Variants in CHST8 observed in about 807,000 individuals in gnomAD.
CHST8 encodes GALNAC-4-ST1.
In CHST8, 10 loss-of-function variants were observed where a neutral mutation model predicts 15.0. The observed-to-expected ratio is 0.67, with a 90% CI of 0.41 to 1.13. The LOEUF (loss-of-function observed/expected upper bound fraction) is 1.13. CHST8 is among the 50% of genes most tolerant of loss of function. CHST8 has a pLI of 0.00. For synonymous variants in CHST8, 259 were observed against 256.6 expected (o/e 1.01, Z -0.09); for missense variants, 634 against 608.2 (o/e 1.04, Z -0.45).
At chr19:33,638,598 G>A (rs1352395058) in intron 1 of CHST8, among the ~76,000 whole-genome samples, 1 of 152,156 alleles carries the variant, frequency 6.6e-6, no homozygotes, top group Non-Finnish European at 1.5e-5. Context: ...TCGCTGAGTT[G>A]TCATGAAAAG....
At chr19:33,725,641 C>A (rs1015834793) in intron 3 of CHST8, among the ~76,000 whole-genome samples, 3 of 152,236 alleles carry the variant, frequency 2.0e-5, no homozygotes, top group African/African-American at 7.2e-5. Flanking sequence ...CTCCCACCCA[C>A]TCTGGCCTCC....
rs754429024 is a variant in CHST8 at position 33,689,244 on chromosome 19, C to A, written c.-18C>A. ...CGTGCCCCCCACACCCAAGAGGTGA[C>A]CCCTGAGCCAGCCCCGGATGACCCT... On this transcript the variant is annotated 5_prime_UTR_variant, in exon 3 of 5. Coordinates refer to ENST00000650847, the MANE Select transcript of CHST8 (RefSeq NM_001127895.2). 3 of 1,559,110 alleles carry A rather than the reference C, an allele frequency of 1.9e-6. No homozygotes were observed. Among genetic ancestry groups the A allele is most frequent in the Admixed American group, 1.9e-5 (1 of 53,654 alleles).
intron 3 of CHST8, among the ~76,000 whole-genome samples, chr19:33,747,608 AC>A (rs1300741747): frequency 2.0e-5 from 3 of 152,158 alleles, no homozygotes; most frequent in African/African-American, 7.2e-5. Context: ...GGAATGATAA[AC>A]ACAGAATTCT....
intron 1 of CHST8, among the ~76,000 whole-genome samples, chr19:33,664,029 T>C (rs901509698): frequency 6.6e-6 from 1 of 152,182 alleles, no homozygotes; most frequent in Non-Finnish European, 1.5e-5. Context: ...AAAGCCACAC[T>C]GTATGTCCTC....
chr19:33,677,150 T>C (rs1972820299), intron 2 of CHST8, among the ~76,000 whole-genome samples: 1 of 135,054 alleles, frequency 7.4e-6, no homozygotes, highest in Admixed American at 7.8e-5. Flanking sequence ...CCTTGTGTGA[T>C]CAGCCGGCAG....
chr19:33,633,524 T>C (rs1972151594), intron 1 of CHST8, among the ~76,000 whole-genome samples: 1 of 152,134 alleles, frequency 6.6e-6, no homozygotes, highest in Non-Finnish European at 1.5e-5. Flanking sequence ...CCCAAGTAGC[T>C]GGGACCACAG....
chr19:33,690,811 C>T (rs1054222664), intron 3 of CHST8, among the ~76,000 whole-genome samples: 4 of 152,214 alleles, frequency 2.6e-5, no homozygotes, highest in Non-Finnish European at 4.4e-5. Flanking sequence ...CAGGGCCCCT[C>T]GGGACAGCGC....
intron 3 of CHST8, among the ~76,000 whole-genome samples, chr19:33,716,029 A>G (rs930936131): frequency 1.3e-5 from 2 of 152,204 alleles, no homozygotes; most frequent in African/African-American, 4.8e-5. Flanking sequence ...TAGATGCGTC[A>G]TTTGCAAAAA....
intron 4 of CHST8, among the ~76,000 whole-genome samples, chr19:33,771,683 C>G (rs963204490): frequency 3.3e-5 from 5 of 152,194 alleles, no homozygotes; most frequent in Admixed American, 1.3e-4. Context: ...CTGAGCCCGC[C>G]TGCAGGCCAC....
intron 3 of CHST8, among the ~76,000 whole-genome samples, chr19:33,694,214 ATATAT>A (rs1229685413): frequency 8.6e-5 from 7 of 81,808 alleles, no homozygotes; most frequent in African/African-American, 2.6e-4. Flanking sequence ...ATATATATAT[ATATAT>A]AATGTTACCA....
intron 3 of CHST8, among the ~76,000 whole-genome samples, chr19:33,757,458 GAAAGAAAGAAAGAAAGAAAGAAAGAAA>G (rs1974588657): frequency 5.4e-5 from 2 of 36,730 alleles, no homozygotes; most frequent in Non-Finnish European, 1.1e-4. Context: ...AAGAAAGAAA[GAAAGAAAGAAAGAAAGAAAGAAAGAAA>G]GAAAGAAAGA....
rs1453867535 is a variant in CHST8, at chr19:33,735,389, G to C, written c.131-36024G>C. 6.6e-5 allele frequency among the ~76,000 whole-genome samples: 10 copies of C among 152,350 alleles called. No homozygotes were observed. In the East Asian group the frequency reaches 1.7e-3, roughly 26 times the overall value. ...CCCTGGCAGCAGGAGAGTGTGAATG[G>C]GACCGGGAACAGTGTCTGCCTCCAG... On this transcript the variant is annotated intron_variant, in intron 3 of 4. Coordinates refer to ENST00000650847, the MANE Select transcript of CHST8 (RefSeq NM_001127895.2).
chr19:33,642,416 G>T (rs1281059909), intron 1 of CHST8, among the ~76,000 whole-genome samples: 2 of 151,904 alleles, frequency 1.3e-5, no homozygotes, highest in African/African-American at 2.4e-5. Context: ...AGGCTGGAGC[G>T]CAGTGGCACG....
intron 3 of CHST8, among the ~76,000 whole-genome samples, chr19:33,710,970 C>T (rs1180410043): frequency 6.6e-6 from 1 of 151,574 alleles, no homozygotes. Context: ...AGCTCCTGAG[C>T]TCAGGCGATC....
At chr19:33,759,277 AC>A (rs1212672418) in intron 3 of CHST8, among the ~76,000 whole-genome samples, 5 of 152,318 alleles carry the variant, frequency 3.3e-5, no homozygotes, top group African/African-American at 1.2e-4. Context: ...TTTGCTGGTA[AC>A]CCCACAATGG....
At chr19:33,720,426 CACCACACATATAT>C (rs1313274694) in intron 3 of CHST8, among the ~76,000 whole-genome samples, 1 of 151,432 alleles carries the variant, frequency 6.6e-6, no homozygotes, top group Non-Finnish European at 1.5e-5. Context: ...CACACACATG[CACCACACATATAT>C]ACCACACATA....
intron 1 of CHST8, among the ~76,000 whole-genome samples, chr19:33,640,272 A>G (rs1322433517): frequency 6.6e-6 from 1 of 152,246 alleles, no homozygotes; most frequent in Non-Finnish European, 1.5e-5. Context: ...GCCAGAGTGC[A>G]GCCTGATTAA....
At chr19:33,758,962 C>T (rs896875872) in intron 3 of CHST8, among the ~76,000 whole-genome samples, 5 of 151,942 alleles carry the variant, frequency 3.3e-5, no homozygotes, top group East Asian at 1.9e-4. Context: ...CTCATGGCAG[C>T]GGGCAAGCGG....
At chr19:33,740,937 C>A (rs1234415152) in intron 3 of CHST8, among the ~76,000 whole-genome samples, 79 of 152,174 alleles carry the variant, frequency 5.2e-4, no homozygotes, top group Admixed American at 5.2e-3. Flanking sequence ...CCGGGTCCTC[C>A]TATCCCAGAG....
Sources: gnomAD v4.1 joint callset for allele counts (sites outside exome capture counted in the v4.1 genomes callset) on GRCh38, gnomAD v4.1.1 for gene constraint, MANE v1.5 for transcripts, NCBI Gene and HGNC (gene_info 2026-07-23, HGNC 2026-07-21) for gene names.